Variants in DNM3 observed in about 807,000 individuals in gnomAD.
DNM3 encodes dynamin 3.
DNM3 carries 47 observed loss-of-function variants against 101.6 expected under a neutral mutation model. The ratio of observed to expected loss-of-function variants is 0.46; its 90% CI spans 0.37 to 0.59. The LOEUF (loss-of-function observed/expected upper bound fraction) is 0.59. Ranked by LOEUF, DNM3 falls within the 20% of genes least tolerant of loss-of-function variation. The pLI is 0.00. For synonymous variants in DNM3, 385 were observed against 387.9 expected (o/e 0.99, Z 0.09); for missense variants, 849 against 1,085.7 (o/e 0.78, Z 3.06).
chr1:172,275,633 G>A (rs1218160990), intron 15 of DNM3, among the ~76,000 whole-genome samples: 1 of 151,864 alleles, frequency 6.6e-6, no homozygotes, highest in African/African-American at 2.4e-5. Context: ...GACACTCTTG[G>A]AAAACAAATA....
At chr1:172,100,023 A>C (rs1161478862) in intron 13 of DNM3, among the ~76,000 whole-genome samples, 1 of 152,216 alleles carries the variant, frequency 6.6e-6, no homozygotes, top group Non-Finnish European at 1.5e-5. Flanking sequence ...CCGAGAATGT[A>C]TCCAACTGCA....
intron 14 of DNM3, among the ~76,000 whole-genome samples, chr1:172,153,203 T>C (rs1410365593): frequency 6.6e-6 from 1 of 152,122 alleles, no homozygotes; most frequent in African/African-American, 2.4e-5. Flanking sequence ...TCAGAGGTGG[T>C]TGGGAGGCCT....
At chr1:172,190,427 G>C (rs2059675148) in intron 14 of DNM3, among the ~76,000 whole-genome samples, 2 of 152,110 alleles carry the variant, frequency 1.3e-5, no homozygotes, top group African/African-American at 4.8e-5. Flanking sequence ...GGACATTTGG[G>C]TTGGTTCCAA....
chr1:171,990,585 C>G (rs965116578), intron 4 of DNM3, among the ~76,000 whole-genome samples: 2 of 152,118 alleles, frequency 1.3e-5, no homozygotes, highest in African/African-American at 4.8e-5. Context: ...TGAAATTCTT[C>G]TGGAGTCCAG....
intron 17 of DNM3, among the ~76,000 whole-genome samples, chr1:172,334,314 G>A (rs1488150937): frequency 6.6e-6 from 1 of 152,144 alleles, no homozygotes; most frequent in Non-Finnish European, 1.5e-5. Flanking sequence ...AACCAGGGGT[G>A]ATTTTTCTCT....
intron 11 of DNM3, among the ~76,000 whole-genome samples, chr1:172,070,602 A>G (rs78487383): frequency 0.068 from 10,390 of 152,138 alleles, 695 homozygotes; most frequent in East Asian, 0.17. Flanking sequence ...GGCATGTTCA[A>G]ACTTCACCAT....
chr1:171,991,534 C>T (rs145987277), intron 4 of DNM3, among the ~76,000 whole-genome samples: 128 of 152,250 alleles, frequency 8.4e-4, no homozygotes, highest in Middle Eastern at 3.4e-3. Context: ...ATGTTCTCTC[C>T]GGGCACACCA....
At chr1:172,019,576 C>A (rs2047690074) in intron 4 of DNM3, among the ~76,000 whole-genome samples, 1 of 150,370 alleles carries the variant, frequency 6.7e-6, no homozygotes, top group South Asian at 2.1e-4. Context: ...CTGTTCCTTT[C>A]TCTCTCTCTT....
chr1:172,408,639 C>T lies in DNM3; in HGVS notation c.*798C>T. 1 of 984,950 alleles carries T rather than the reference C, an allele frequency of 1.0e-6. No homozygotes were observed. The highest frequency in any genetic ancestry group is 4.7e-5 in the South Asian group (1 of 21,278). 61.0% of individuals were successfully genotyped at this position (984,950 alleles called of 1,614,324 possible). ...AATTTCTTTCTTTACTTATATTCAC[C>T]TCATGGTAGGTTATATTGAAGGCTG... On this transcript the variant is annotated 3_prime_UTR_variant, in exon 21 of 21. Transcript: ENST00000627582.
At chr1:172,378,938 G>A (rs2068749938) in intron 17 of DNM3, 80 bp from the exon 18 acceptor site, 2 of 1,426,756 alleles carry the variant, frequency 1.4e-6, no homozygotes, top group Admixed American at 4.7e-5. Context: ...ATCAGAAGTT[G>A]ATAATCTGAT....
intron 14 of DNM3, among the ~76,000 whole-genome samples, chr1:172,221,949 T>TA (rs1445819517): frequency 6.6e-6 from 1 of 152,136 alleles, no homozygotes. Context: ...GTTTATCACA[T>TA]AGTAAGCCCT....
At chr1:171,863,523 A>G (rs1440043891) in intron 1 of DNM3, among the ~76,000 whole-genome samples, 1 of 152,192 alleles carries the variant, frequency 6.6e-6, no homozygotes, top group East Asian at 1.9e-4. Context: ...TTCATAAGCC[A>G]ATAACAGTTA....
intron 17 of DNM3, among the ~76,000 whole-genome samples, chr1:172,353,792 A>G (rs574349034): frequency 6.6e-6 from 1 of 152,320 alleles, no homozygotes; most frequent in Admixed American, 6.5e-5. Flanking sequence ...AACAAACTAT[A>G]TAAGTGAAAC....
At chr1:172,119,822 C>A (rs990971459) in intron 13 of DNM3, among the ~76,000 whole-genome samples, 1 of 152,156 alleles carries the variant, frequency 6.6e-6, no homozygotes, top group Admixed American at 6.5e-5. Context: ...GTTTCTTAAA[C>A]GTAGACCTCG....
In DNM3 at chr1:171,959,389, C is replaced by T. The variant is rs541118065; in HGVS notation, c.236-28267C>T. On this transcript the variant is annotated intron_variant, in intron 2 of 20. Coordinates refer to ENST00000627582, the MANE Select transcript of DNM3 (RefSeq NM_015569.5). Reference sequence around the variant, plus strand: ...ATCCTCAGGTTTCTAGCTTGGGTTACGGGATCAGTGATGATATCAAATAAA... The same window carrying T: ...ATCCTCAGGTTTCTAGCTTGGGTTATGGGATCAGTGATGATATCAAATAAA... Among the ~76,000 whole-genome samples, 121 of 152,158 alleles carry T rather than the reference C, an allele frequency of 8.0e-4. No homozygotes were observed. The South Asian group carries it at 0.022, about 28-fold the overall frequency.
At chr1:172,378,191 T>C (rs541923882) in intron 17 of DNM3, 3 of 152,076 alleles carry the variant, frequency 2.0e-5, no homozygotes, top group Non-Finnish European at 4.4e-5. Flanking sequence ...CCATTTGTTC[T>C]AAATTGATTT....
intron 2 of DNM3, among the ~76,000 whole-genome samples, chr1:171,968,931 G>A (rs2043795032): frequency 6.6e-6 from 1 of 152,162 alleles, no homozygotes; most frequent in South Asian, 2.1e-4. Flanking sequence ...AGTGGTTACA[G>A]CTGAAACTCG....
At chr1:172,270,205 T>A (rs2063031629) in intron 15 of DNM3, among the ~76,000 whole-genome samples, 1 of 151,292 alleles carries the variant, frequency 6.6e-6, no homozygotes, top group Non-Finnish European at 1.5e-5. Context: ...TGTTACCATA[T>A]ACTATCCTGA....
intron 11 of DNM3, among the ~76,000 whole-genome samples, chr1:172,070,810 G>A (rs951871403): frequency 3.3e-5 from 5 of 152,022 alleles, no homozygotes; most frequent in Non-Finnish European, 7.4e-5. Context: ...TACAAGGCCA[G>A]GTGTAGTGGC....
Sources: gnomAD v4.1 joint callset for allele counts (sites outside exome capture counted in the v4.1 genomes callset) on GRCh38, gnomAD v4.1.1 for gene constraint, MANE v1.5 for transcripts, NCBI Gene and HGNC (gene_info 2026-07-23, HGNC 2026-07-21) for gene names.